The following NBAS variants were observed in gnomAD, a reference collection of about 807,000 sequenced individuals.
NBAS encodes the protein NBAS subunit of NRZ tethering complex, also known as NAG/BC035112 fusion.
Under a neutral mutation model 302.5 loss-of-function variants are expected in NBAS, and 219 were observed. That is an observed-to-expected ratio of 0.72 (90% CI 0.65 to 0.81). The LOEUF (loss-of-function observed/expected upper bound fraction) is 0.81. NBAS is among the 30% of genes least tolerant of loss of function. NBAS has a pLI of 0.00. For missense variants in NBAS, 2,932 were observed against 2,841.6 expected, an observed-to-expected ratio of 1.03 and a Z score of -0.72; for synonymous variants, 1,118 against 1,021.6, an observed-to-expected ratio of 1.09 and a Z score of -1.80.
chr2:15,062,242 G>C, the NBAS span, among the ~76,000 whole-genome samples: 66 of 152,130 alleles, frequency 4.3e-4, no homozygotes, highest in African/African-American at 1.6e-3. Flanking sequence ...CCACAACTTT[G>C]GATCAGAAAG....
intron 35 of NBAS, among the ~76,000 whole-genome samples, chr2:15,335,346 G>C (rs2148249382): frequency 6.6e-6 from 1 of 152,190 alleles, no homozygotes; most frequent in South Asian, 2.1e-4. Flanking sequence ...ATTATATTTT[G>C]GGTATATACT....
chr2:15,316,248 C>T (rs957600346), intron 38 of NBAS, among the ~76,000 whole-genome samples: 1 of 152,122 alleles, frequency 6.6e-6, no homozygotes, highest in African/African-American at 2.4e-5. Flanking sequence ...TTAACTCTCC[C>T]CCCGTTCCAA....
intron 32 of NBAS, among the ~76,000 whole-genome samples, chr2:15,357,084 G>A (rs541435267): frequency 3.2e-4 from 48 of 152,188 alleles, no homozygotes; most frequent in African/African-American, 1.1e-3. Flanking sequence ...ACCCCCAGAT[G>A]TTATCTGGCA....
At chr2:14,897,068 T>A in the NBAS span, among the ~76,000 whole-genome samples, 1 of 142,348 alleles carries the variant, frequency 7.0e-6, no homozygotes, top group Non-Finnish European at 1.6e-5. Flanking sequence ...TTCCTCTTTT[T>A]TTTTTTTTCC....
At chr2:15,306,973 G>C (rs1671060717) in intron 40 of NBAS, among the ~76,000 whole-genome samples, 1 of 152,192 alleles carries the variant, frequency 6.6e-6, no homozygotes, top group African/African-American at 2.4e-5. Flanking sequence ...ACTTGAGAAA[G>C]ATGTGCCAAG....
the NBAS span, among the ~76,000 whole-genome samples, chr2:14,966,346 T>G: frequency 6.6e-6 from 1 of 152,170 alleles, no homozygotes; most frequent in Non-Finnish European, 1.5e-5. Context: ...TAATGTAATC[T>G]ACCATATTAA....
intron 21 of NBAS, among the ~76,000 whole-genome samples, chr2:15,442,961 C>G (rs563217691): frequency 6.6e-6 from 1 of 152,002 alleles, no homozygotes; most frequent in Non-Finnish European, 1.5e-5. Context: ...AGGAAGAAGT[C>G]GAATCTCTGA....
At chr2:14,821,906 G>A in the NBAS span, among the ~76,000 whole-genome samples, 1 of 151,936 alleles carries the variant, frequency 6.6e-6, no homozygotes, top group South Asian at 2.1e-4. Flanking sequence ...AGTGACAGGT[G>A]CCTGTAATCC....
At chr2:15,318,416 T>C (rs1671619592) in intron 38 of NBAS, among the ~76,000 whole-genome samples, 1 of 152,156 alleles carries the variant, frequency 6.6e-6, no homozygotes, top group East Asian at 1.9e-4. Context: ...TAAATATAAA[T>C]GGGCTAAATA....
intron 47 of NBAS, among the ~76,000 whole-genome samples, chr2:15,230,228 A>G (rs540152831): frequency 4.4e-4 from 67 of 152,288 alleles, no homozygotes; most frequent in African/African-American, 1.5e-3. Flanking sequence ...GACCCTCCTT[A>G]GAACTACCTG....
chr2:15,098,388 T>TAATATA, the NBAS span, among the ~76,000 whole-genome samples: 74 of 47,320 alleles, frequency 1.6e-3, 17 homozygotes, highest in African/African-American at 6.3e-3. Flanking sequence ...ATATGATATA[T>TAATATA]TGTATATTAT....
the NBAS span, among the ~76,000 whole-genome samples, chr2:14,955,228 A>G: frequency 3.9e-5 from 6 of 152,242 alleles, no homozygotes; most frequent in African/African-American, 1.4e-4. Context: ...CTTTGACTCC[A>G]TGTCTCACAT....
At chr2:14,965,385 G>T in the NBAS span, among the ~76,000 whole-genome samples, 56,323 of 151,852 alleles carry the variant, frequency 0.37, 10,855 homozygotes, top group East Asian at 0.57. Context: ...AATTCGAAAA[G>T]GTTAAGAACA....
chr2:15,309,133 A>T, intron 39 of NBAS, 38 bp downstream of exon 39: 5 of 1,518,924 alleles, frequency 3.3e-6, no homozygotes, highest in Non-Finnish European at 4.6e-6. Context: ...TTTTCCATTT[A>T]GTCATTTTAA....
chr2:15,541,663 C>T (rs1663828316), intron 6 of NBAS, among the ~76,000 whole-genome samples: 1 of 151,840 alleles, frequency 6.6e-6, no homozygotes, highest in Non-Finnish European at 1.5e-5. Flanking sequence ...CTGGAACAGC[C>T]ATTTTTGTAA....
intron 21 of NBAS, among the ~76,000 whole-genome samples, chr2:15,455,827 T>C (rs529969722): frequency 6.6e-6 from 1 of 151,644 alleles, no homozygotes; most frequent in African/African-American, 2.4e-5. Context: ...TACAGTCTTT[T>C]TAACCAAATT....
intron 35 of NBAS, among the ~76,000 whole-genome samples, chr2:15,348,362 A>G (rs1308920314): frequency 2.0e-5 from 3 of 152,198 alleles, no homozygotes; most frequent in Non-Finnish European, 4.4e-5. Context: ...GAGGACTACC[A>G]GTGGTCTCCT....
At chr2:15,405,067 G>A (rs1177466807) in intron 25 of NBAS, among the ~76,000 whole-genome samples, 2 of 151,972 alleles carry the variant, frequency 1.3e-5, no homozygotes, top group African/African-American at 4.8e-5. Flanking sequence ...CCTTGTTTTA[G>A]TCTACTCCTA....
the NBAS span, among the ~76,000 whole-genome samples, chr2:15,087,098 G>A: frequency 3.3e-5 from 5 of 151,682 alleles, no homozygotes; most frequent in South Asian, 2.1e-4. Context: ...AATTCTTCCC[G>A]GTCTCAAGCC....
Sources: gnomAD v4.1 joint callset for allele counts (sites outside exome capture counted in the v4.1 genomes callset) on GRCh38, gnomAD v4.1.1 for gene constraint, MANE v1.5 for transcripts, NCBI Gene and HGNC (gene_info 2026-07-23, HGNC 2026-07-21) for gene names.